ANO4: variants seen among roughly 807,000 people sequenced by gnomAD.
The protein encoded by ANO4 is anoctamin-4.
In ANO4, 69 loss-of-function variants were observed where a neutral mutation model predicts 141.9. The observed-to-expected ratio is 0.49, with a 90% CI of 0.40 to 0.59. The LOEUF (loss-of-function observed/expected upper bound fraction) is 0.59, where lower values mean the gene tolerates loss of function less well. Among genes scored for constraint, ANO4 ranks in the 20% least tolerant of loss-of-function variants. The pLI, the probability that ANO4 is intolerant of heterozygous loss-of-function variation, is 0.00. For missense variants in ANO4, 894 were observed against 1,162.2 expected (o/e 0.77, Z 3.36); for synonymous variants, 350 against 394.3 (o/e 0.89, Z 1.33).
chr12:100,957,916 C>A (rs1426646975), intron 5 of ANO4, among the ~76,000 whole-genome samples: 4 of 152,202 alleles, frequency 2.6e-5, no homozygotes, highest in African/African-American at 9.7e-5. Flanking sequence ...CCATGTTGGC[C>A]AGGCTGGTCT....
chr12:100,953,710 A>C (rs914814330), intron 5 of ANO4, among the ~76,000 whole-genome samples: 1 of 152,190 alleles, frequency 6.6e-6, no homozygotes, highest in African/African-American at 2.4e-5. Context: ...TTCAAGAAAA[A>C]TCTCTATGAT....
chr12:101,001,952 A>C (rs1178113166), intron 8 of ANO4, among the ~76,000 whole-genome samples: 1 of 152,084 alleles, frequency 6.6e-6, no homozygotes, highest in African/African-American at 2.4e-5. Context: ...TACAACACCC[A>C]CACCATCAGT....
chr12:101,120,209 A>C (rs1238086572), intron 25 of ANO4, among the ~76,000 whole-genome samples: 1 of 152,162 alleles, frequency 6.6e-6, no homozygotes, highest in African/African-American at 2.4e-5. Context: ...CTGTGGGCTT[A>C]GTGATCATTC....
At position 101,097,890 on chromosome 12, in the gene ANO4, G is replaced by A. The variant is rs778579833; in HGVS notation, c.1951G>A (p.Gly651Ser). The A allele has an allele frequency of 6.2e-7, 1 of 1,613,842 alleles. No homozygotes were observed. Among genetic ancestry groups the A allele is most frequent in the South Asian group, 1.1e-5 (1 of 91,068 alleles). Residue 651 changes from glycine to serine, a missense_variant, in exon 21 of 28, where the codon GGT (glycine) becomes AGT (serine). This residue lies in a region of ANO4 where 637 missense variants were observed against 909.2 expected (regional missense o/e 0.70). Coordinates refer to ENST00000392977, the MANE Select transcript of ANO4 (RefSeq NM_001286615.2). ...GCLIDLCMQMGIIMVLKQTWN... is the reference protein window; with the variant it reads ...GCLIDLCMQMSIIMVLKQTWN... ...CCTTATTGATCTGTGTATGCAAATG[G>A]GTATTATAATGGTGCTAAAGCAGAC...
intron 9 of ANO4, among the ~76,000 whole-genome samples, chr12:101,020,642 A>G (rs1566136228): frequency 6.6e-6 from 1 of 152,172 alleles, no homozygotes; most frequent in Non-Finnish European, 1.5e-5. Context: ...GTGTGGGAAG[A>G]TCGAGGGGTA....
At chr12:101,064,153 A>G (rs977416879) in intron 14 of ANO4, among the ~76,000 whole-genome samples, 5 of 152,098 alleles carry the variant, frequency 3.3e-5, no homozygotes, top group South Asian at 2.1e-4. Flanking sequence ...TATGAGTTTA[A>G]TGCTATAAAT....
At chr12:101,016,338 G>T (rs753187410) in intron 8 of ANO4, among the ~76,000 whole-genome samples, 2 of 151,980 alleles carry the variant, frequency 1.3e-5, no homozygotes, top group Admixed American at 6.6e-5. Context: ...CAAGGGCAAG[G>T]TGGGGCAGGG....
At chr12:101,059,551 G>A (rs984837115) in intron 14 of ANO4, among the ~76,000 whole-genome samples, 9 of 152,022 alleles carry the variant, frequency 5.9e-5, no homozygotes, top group Admixed American at 5.9e-4. Context: ...TTGTTATTGG[G>A]CTATTCAGGG....
intron 1 of ANO4, among the ~76,000 whole-genome samples, chr12:100,836,520 T>C (rs1370145035): frequency 7.9e-6 from 1 of 126,566 alleles, no homozygotes; most frequent in African/African-American, 3.0e-5. Flanking sequence ...GGCCCTGGTA[T>C]GTGATGTTCC....
chr12:101,097,224 A>G (rs1282582767), intron 19 of ANO4, among the ~76,000 whole-genome samples: 2 of 152,154 alleles, frequency 1.3e-5, no homozygotes, highest in East Asian at 1.9e-4. Context: ...GGTGAGATCA[A>G]CACAGCAGTC....
chr12:101,109,066 T>C (rs1016089876), intron 22 of ANO4, among the ~76,000 whole-genome samples: 13 of 152,274 alleles, frequency 8.5e-5, no homozygotes, highest in South Asian at 8.3e-4. Flanking sequence ...TCTTGACATA[T>C]TTGCAGAGTA....
chr12:101,051,236 T>C (rs2253039), intron 14 of ANO4, among the ~76,000 whole-genome samples: 106,956 of 151,978 alleles, frequency 0.7, 38,065 homozygotes, highest in African/African-American at 0.8. Context: ...TGGTGCTGGC[T>C]GCCTGGAGCA....
Position 101,079,183 on chromosome 12 carries a change from C to T in ANO4, c.1313-10C>T. 1 of 1,612,534 alleles carries T rather than the reference C, an allele frequency of 6.2e-7. No homozygotes were observed. Among genetic ancestry groups the T allele is most frequent in the Non-Finnish European group, 8.5e-7 (1 of 1,178,634 alleles). On this transcript the variant is annotated splice_polypyrimidine_tract_variant and intron_variant, in intron 14 of 27. Transcript: ENST00000392977. The stretch of plus-strand genomic sequence containing the variant: ...TCAAAAATGTCTTTGTCTTTCTCTG[C>T]TTGTTCCAGCAACAGTTTTCCTGGA...
chr12:100,853,019 G>T (rs909342132), intron 1 of ANO4, among the ~76,000 whole-genome samples: 2 of 152,092 alleles, frequency 1.3e-5, no homozygotes, highest in Non-Finnish European at 2.9e-5. Flanking sequence ...CTTATTGAGG[G>T]TTTGCTTTGC....
At chr12:100,948,992 AG>A (rs1165330487) in intron 5 of ANO4, among the ~76,000 whole-genome samples, 1 of 152,184 alleles carries the variant, frequency 6.6e-6, no homozygotes, top group African/African-American at 2.4e-5. Context: ...GCCTATGAAG[AG>A]GGCCACCTAG....
chr12:100,968,627 C>A (rs1199042300), intron 5 of ANO4, among the ~76,000 whole-genome samples: 2 of 152,158 alleles, frequency 1.3e-5, no homozygotes, highest in East Asian at 3.8e-4. Flanking sequence ...CTTCCCAGAT[C>A]TGAAGTATAT....
Position 101,126,927 on chromosome 12 carries a change from C to A in ANO4, c.2725C>A (p.Leu909Ile). 6.2e-7 allele frequency: 1 copy of A among 1,614,124 alleles called. No individual in the cohort carries two copies. The highest frequency in any genetic ancestry group is 8.5e-7 in the Non-Finnish European group (1 of 1,179,996). The change falls in exon 27 of 28, where the codon CTC becomes ATC. Residue 909 changes from leucine (L) to isoleucine (I), a missense_variant. Leu to Ile is a conservative substitution (Grantham distance 5). Around this residue, in one of 2 missense-constraint regions of ANO4, gnomAD observed 637 missense variants for 909.2 expected, o/e 0.70. Transcript: ENST00000392977. ...CCTCATTTCATATCTGATCCCAGAC[C>A]TCCCAAAAGACCTAAGGGATCGAAT... ...KHLISYLIPD[L>I]PKDLRDRMRR... is the part of the protein sequence containing the mutation.
chr12:101,012,376 T>TGA (rs2046132759), intron 8 of ANO4, among the ~76,000 whole-genome samples: 1 of 151,126 alleles, frequency 6.6e-6, no homozygotes, highest in Non-Finnish European at 1.5e-5. Flanking sequence ...AGTGACAGAG[T>TGA]GAGAGAGAGA....
chr12:101,034,702 A>G (rs911615846), intron 9 of ANO4, among the ~76,000 whole-genome samples: 1 of 152,184 alleles, frequency 6.6e-6, no homozygotes, highest in Non-Finnish European at 1.5e-5. Context: ...TTGCCTCTAG[A>G]ATACATAAAG....
Sources: gnomAD v4.1 joint callset for allele counts (sites outside exome capture counted in the v4.1 genomes callset) on GRCh38, gnomAD v4.1.1 for gene constraint, gnomAD v4.1.1 regional missense constraint, MANE v1.5 for transcripts, NCBI Gene and HGNC (gene_info 2026-07-23, HGNC 2026-07-21) for gene names.